Variants in VIM observed in about 807,000 individuals in gnomAD.
The protein encoded by VIM is vimentin.
Under a neutral mutation model 50.3 loss-of-function variants are expected in VIM, and 18 were observed. That is an observed-to-expected ratio of 0.36 (90% CI 0.25 to 0.53). VIM has a LOEUF of 0.53. Among genes scored for constraint, VIM ranks in the 20% least tolerant of loss-of-function variants. VIM has a pLI of 0.91. For synonymous variants in VIM, 245 were observed against 248.5 expected (o/e 0.99, Z 0.13); for missense variants, 551 against 614.7 (o/e 0.90, Z 1.10).
At chr10:17,235,927 GC>G (rs1401900796) in intron 8 of VIM, 38 bp downstream of exon 8, 1 of 1,582,732 alleles carries the variant, frequency 6.3e-7, no homozygotes, top group East Asian at 2.2e-5. Context: ...AACGTCAGCT[GC>G]TTGTAACCAC....
In VIM at chr10:17,229,369, G is replaced by A. The variant is rs1434066779; in HGVS notation, c.-54G>A. On this transcript the variant is annotated 5_prime_UTR_variant, in exon 2 of 10. Coordinates refer to ENST00000544301, the MANE Select transcript of VIM (RefSeq NM_003380.5). The stretch of plus-strand genomic sequence containing the variant: ...CCGCGCCCTCGTTCGCCTCTTCTCC[G>A]GGAGCCAGTCCGCGCCACCGCCGCC... 3 of 1,542,064 alleles carry A rather than the reference G, an allele frequency of 1.9e-6. No individual in the cohort carries two copies. The highest frequency in any genetic ancestry group is 2.7e-5 in the African/African-American group (2 of 72,774).
Position 17,234,676 on chromosome 10 carries a change from T to C in VIM, c.883-17T>C, listed in dbSNP as rs1282641386. ...CTTGAATGTGAGCAATCTACATTTC[T>C]GTTTTCTTCCCAACAGTTTGCTGAC... On this transcript the variant is annotated splice_polypyrimidine_tract_variant and intron_variant, in intron 5 of 9. Coordinates refer to ENST00000544301, the MANE Select transcript of VIM (RefSeq NM_003380.5). 1 of 1,613,624 alleles carries C rather than the reference T, an allele frequency of 6.2e-7. No individual in the cohort carries two copies. The highest frequency in any genetic ancestry group is 8.5e-7 in the Non-Finnish European group (1 of 1,180,022).
Position 17,233,857 on chromosome 10 carries a change from C to A in VIM, c.808C>A (p.Arg270Ser). 6.2e-7 allele frequency: 1 copy of A among 1,614,122 alleles called. No individual in the cohort carries two copies. Among genetic ancestry groups the A allele is most frequent in the Non-Finnish European group, 8.5e-7 (1 of 1,180,020 alleles). The change falls in exon 5 of 10, where the codon CGT becomes AGT. Residue 270 changes from arginine to serine, a missense_variant. Transcript: ENST00000544301. Reference sequence around the variant, plus strand: ...CAAGCCTGACCTCACGGCTGCCCTGCGTGACGTACGTCAGCAATATGAAAG... The same window carrying A: ...CAAGCCTGACCTCACGGCTGCCCTGAGTGACGTACGTCAGCAATATGAAAG... ...VSKPDLTAAL[R>S]DVRQQYESVA... is the part of the protein sequence containing the mutation.
In VIM at chr10:17,229,812, C is replaced by T. The variant is rs113013980; in HGVS notation, c.390C>T (p.Ile130=). The stretch of plus-strand genomic sequence containing the variant: ...GCTTCCTGGAGCAGCAGAATAAGAT[C>T]CTGCTGGCCGAGCTCGAGCAGCTCA... ...KVRFLEQQNK[I]LLAELEQLKG... is the part of the protein sequence containing the mutation. Residue 130 remains isoleucine, a synonymous_variant, in exon 2 of 10, where the codon ATC becomes ATT. Coordinates refer to ENST00000544301, the MANE Select transcript of VIM (RefSeq NM_003380.5). 1.3e-6 allele frequency: 2 copies of T among 1,599,294 alleles called. No homozygotes were observed. The highest frequency in any genetic ancestry group is 1.1e-5 in the South Asian group (1 of 88,768).
intron 7 of VIM, 75 bp downstream of exon 7, chr10:17,235,464 G>A (rs1846871730): frequency 6.7e-7 from 1 of 1,498,976 alleles, no homozygotes; most frequent in Non-Finnish European, 9.3e-7. Context: ...GCTCTAAGCA[G>A]TGTCACATTT....
Position 17,229,945 on chromosome 10 carries a change from C to A in VIM, c.523C>A (p.Arg175Ser), listed in dbSNP as rs1313812412. ...CGACAAAGCCCGCGTCGAGGTGGAG[C>A]GCGACAACCTGGCCGAGGACATCAT... ...TNDKARVEVE[R>S]DNLAEDIMRL... Residue 175 changes from arginine to serine, a missense_variant, in exon 2 of 10, where the codon CGC becomes AGC. By Grantham distance (110) the Arg-to-Ser change is moderately radical. This residue lies in a region of VIM where 394 missense variants were observed against 437.5 expected (regional missense o/e 0.90). Coordinates refer to ENST00000544301, the MANE Select transcript of VIM (RefSeq NM_003380.5). 1.2e-6 allele frequency: 2 copies of A among 1,612,652 alleles called. No individual in the cohort carries two copies. The highest frequency in any genetic ancestry group is 1.7e-6 in the Non-Finnish European group (2 of 1,179,764).
At chr10:17,232,350 C>T (rs554561188) in intron 3 of VIM, among the ~76,000 whole-genome samples, 6 of 152,328 alleles carry the variant, frequency 3.9e-5, no homozygotes, top group Admixed American at 3.3e-4. Context: ...AATCCTCACG[C>T]ATCCTTTTGA....
At chr10:17,233,160 C>T in intron 3 of VIM, 1 of 251,146 alleles carries the variant, frequency 4.0e-6, no homozygotes, top group South Asian at 4.2e-5. Context: ...GTTGGCTAGG[C>T]TGGTCTCGAA....
rs565335496 is a variant in VIM at position 17,229,821 on chromosome 10, C to T, written c.399C>T (p.Ala133=). 6.2e-7 allele frequency: 1 copy of T among 1,601,016 alleles called. No individual in the cohort carries two copies. The highest frequency in any genetic ancestry group is 1.3e-5 in the African/African-American group (1 of 74,818). The change falls in exon 2 of 10, where the codon GCC becomes GCT. Residue 133 remains alanine (A), a synonymous_variant. Coordinates refer to ENST00000544301, the MANE Select transcript of VIM (RefSeq NM_003380.5). ...AGCAGCAGAATAAGATCCTGCTGGC[C>T]GAGCTCGAGCAGCTCAAGGGCCAAG... ...FLEQQNKILL[A]ELEQLKGQGK...
intron 2 of VIM, 50 bp from the exon 3 acceptor site, chr10:17,230,600 G>A: frequency 6.2e-7 from 1 of 1,607,906 alleles, no homozygotes; most frequent in Non-Finnish European, 8.5e-7. Context: ...TGGCCGCCCC[G>A]CCCCTGGCGG....
In VIM at chr10:17,229,886, G is replaced by A. The variant is rs778724394; in HGVS notation, c.464G>A (p.Arg155Gln). ...RLGDLYEEEM[R>Q]ELRRQVDQLT... ...GGGGACCTCTACGAGGAGGAGATGC[G>A]GGAGCTGCGCCGGCAGGTGGACCAG... The change falls in exon 2 of 10, where the codon CGG (arginine) becomes CAG (glutamine). Residue 155 changes from arginine (R) to glutamine (Q), a missense_variant. Coordinates refer to ENST00000544301, the MANE Select transcript of VIM (RefSeq NM_003380.5). The A allele has an allele frequency of 1.2e-6, 2 of 1,611,610 alleles. No homozygotes were observed. Among genetic ancestry groups the A allele is most frequent in the East Asian group, 2.2e-5 (1 of 44,788 alleles).
In VIM at chr10:17,234,956, C is replaced by T. The variant is rs566127050; in HGVS notation, c.1008+138C>T. ...AAAGAAAATGAGTTATCAAGACAGA[C>T]TCAAAAGGGACTTCATGGAACTCTT... On this transcript the variant is annotated intron_variant, in intron 6 of 9. Coordinates refer to ENST00000544301, the MANE Select transcript of VIM (RefSeq NM_003380.5). 2.1e-4 allele frequency: 288 copies of T among 1,362,606 alleles called. 3 individuals are homozygous for T. The highest frequency in any genetic ancestry group is 1.4e-3 in the South Asian group (111 of 80,550). The allele number at this position is 1,362,606 out of a possible 1,614,324, so 84.4% of individuals were successfully genotyped here.
At chr10:17,232,602 A>T (rs992119207) in intron 3 of VIM, among the ~76,000 whole-genome samples, 8 of 152,240 alleles carry the variant, frequency 5.3e-5, no homozygotes, top group Non-Finnish European at 2.9e-5. Flanking sequence ...GAGAAAGCCA[A>T]GCAAATACAG....
chr10:17,230,859 G>A (rs1846778873), intron 3 of VIM, 149 bp downstream of exon 3: 1 of 804,544 alleles, frequency 1.2e-6, no homozygotes, highest in Non-Finnish European at 2.0e-6. Flanking sequence ...ACCACAGGTT[G>A]GAGCTTCTCA....
At chr10:17,235,988 C>A (rs559194010) in intron 8 of VIM, 99 bp downstream of exon 8, 1 of 1,299,004 alleles carries the variant, frequency 7.7e-7, no homozygotes, top group Admixed American at 1.8e-5. Flanking sequence ...GAAAAAATGC[C>A]ATATAAGAGA....
intron 5 of VIM, 152 bp downstream of exon 5, chr10:17,234,083 A>T (rs1253864487): frequency 2.4e-6 from 2 of 835,920 alleles, no homozygotes; most frequent in Admixed American, 4.4e-5. Context: ...CAGCCTCCCC[A>T]CCACTCACAT....
chr10:17,230,737 G>C (rs1564373172), intron 3 of VIM, 27 bp downstream of exon 3: 1 of 1,613,906 alleles, frequency 6.2e-7, no homozygotes, highest in Non-Finnish European at 8.5e-7. Flanking sequence ...CCCACTCGCA[G>C]CCGCCTGACC....
At chr10:17,231,371 T>TCTGTCC in intron 3 of VIM, among the ~76,000 whole-genome samples, 1 of 152,324 alleles carries the variant, frequency 6.6e-6, no homozygotes, top group Middle Eastern at 3.4e-3. Context: ...AAAGGAGCCA[T>TCTGTCC]CTGTCCCCTT....
At chr10:17,230,395 G>A in intron 2 of VIM, 2 of 588,418 alleles carry the variant, frequency 3.4e-6, no homozygotes, top group Admixed American at 2.9e-5. Flanking sequence ...CGAGACAAAG[G>A]GATGGTCCCT....
Sources: allele counts gnomAD v4.1 joint callset (sites outside exome capture counted in the v4.1 genomes callset), GRCh38; gene constraint gnomAD v4.1.1; regional missense constraint gnomAD v4.1.1; transcripts MANE v1.5; gene names NCBI Gene and HGNC (gene_info 2026-07-23, HGNC 2026-07-21).